The following NBN variants were observed in gnomAD, a reference collection of about 807,000 sequenced individuals.
NBN encodes nibrin, also known as Nijmegen breakage syndrome 1 (nibrin).
A neutral mutation model predicts 90.8 loss-of-function variants in NBN; 88 were observed. That is an observed-to-expected ratio of 0.97 (90% CI 0.82 to 1.16). The LOEUF (loss-of-function observed/expected upper bound fraction) is 1.16, where lower values mean the gene tolerates loss of function less well. Among genes scored for constraint, NBN ranks in the 50% most tolerant of loss-of-function variants. The pLI is 0.00. For synonymous variants in NBN, 328 were observed against 295.1 expected, an observed-to-expected ratio of 1.11 and a Z score of -1.14; for missense variants, 894 against 869.6, an observed-to-expected ratio of 1.03 and a Z score of -0.35.
Position 89,946,150 on chromosome 8 carries a change from T to G in NBN, c.2060A>C (p.Lys687Thr), listed in dbSNP as rs186371605. ...AGTTGAAATACCTACCTTTTTGAAT[T>G]TCTTGAAATTTTTTAGTTGACCATA... ...DDYGQLKNFK[K>T]FKKVTYPGAG... Residue 687 changes from lysine (K) to threonine (T), a missense_variant, in exon 13 of 16, where the codon AAA becomes ACA. Lys to Thr is a moderately conservative substitution (Grantham distance 78, BLOSUM62 -1). Coordinates refer to ENST00000265433, the MANE Select transcript of NBN (RefSeq NM_002485.5). 36 of 1,587,740 alleles carry G rather than the reference T, an allele frequency of 2.3e-5. No homozygotes were observed. The highest frequency in any genetic ancestry group is 1.2e-4 in the South Asian group (11 of 90,424).
chr8:89,936,982 A>G (rs773362652), intron 15 of NBN, 44 bp downstream of exon 15: 3 of 1,457,084 alleles, frequency 2.1e-6, no homozygotes, highest in Non-Finnish European at 2.9e-6. Context: ...TAAATTTTAT[A>G]TACATCTCTC....
At chr8:89,978,367 C>T (rs1811876407) in intron 4 of NBN, 44 bp from the exon 5 acceptor site, 2 of 1,524,726 alleles carry the variant, frequency 1.3e-6, no homozygotes, top group South Asian at 2.3e-5. Context: ...CACATGCTAG[C>T]ATTTTTTAAA....
intron 8 of NBN, among the ~76,000 whole-genome samples, chr8:89,961,443 A>G (rs529481503): frequency 6.6e-6 from 1 of 152,338 alleles, no homozygotes; most frequent in South Asian, 2.1e-4. Flanking sequence ...TCCGGCTGGA[A>G]TGCAAAAAAG....
At chr8:89,952,464 T>G (rs569969981) in intron 11 of NBN, among the ~76,000 whole-genome samples, 6 of 152,178 alleles carry the variant, frequency 3.9e-5, no homozygotes, top group Admixed American at 1.3e-4. Flanking sequence ...AAATAGGACA[T>G]AGGTTCTGTT....
rs1434720352 is a variant in NBN at position 89,982,836 on chromosome 8, C to T, written c.57G>A (p.Leu19=). ...GPAGGEPYRL[L]TGVEYVVGRK... is the part of the protein sequence containing the mutation. ...TTCCAACAACGTACTCAACGCCAGT[C>T]AAAAGTCTGTATGGTTCTCCTGAGA... Residue 19 remains leucine, a synonymous_variant, in exon 2 of 16, where the codon TTG becomes TTA. Coordinates refer to ENST00000265433, the MANE Select transcript of NBN (RefSeq NM_002485.5). The T allele has an allele frequency of 1.2e-6, 2 of 1,613,236 alleles. No homozygotes were observed. The highest frequency in any genetic ancestry group is 3.3e-5 in the Admixed American group (2 of 59,978).
chr8:89,938,466 A>C (rs1242135731), intron 14 of NBN, among the ~76,000 whole-genome samples: 1 of 151,370 alleles, frequency 6.6e-6, no homozygotes, highest in Admixed American at 6.6e-5. Flanking sequence ...CTCTCTCTAT[A>C]TGTGTGTGTG....
At chr8:89,970,216 T>G (rs1293191042) in intron 7 of NBN, 148 bp downstream of exon 7, 6 of 659,566 alleles carry the variant, frequency 9.1e-6, no homozygotes, top group Non-Finnish European at 1.5e-5. Context: ...GCCACTGCAC[T>G]CCAGCCTGGG....
At chr8:89,971,802 C>T (rs888157297) in intron 5 of NBN, among the ~76,000 whole-genome samples, 1 of 151,712 alleles carries the variant, frequency 6.6e-6, no homozygotes, top group Non-Finnish European at 1.5e-5. Flanking sequence ...ATAAAATTTC[C>T]AAAACAAGAC....
intron 8 of NBN, among the ~76,000 whole-genome samples, chr8:89,959,269 A>G (rs535269392): frequency 1.3e-5 from 2 of 152,318 alleles, no homozygotes; most frequent in East Asian, 3.9e-4. Flanking sequence ...ATTTGAAACA[A>G]ATCATGTAAA....
chr8:89,961,643 C>A (rs1183402755), intron 8 of NBN, among the ~76,000 whole-genome samples: 1 of 152,118 alleles, frequency 6.6e-6, no homozygotes, highest in Non-Finnish European at 1.5e-5. Context: ...AAAAATATGG[C>A]ACACATATTC....
intron 8 of NBN, among the ~76,000 whole-genome samples, chr8:89,960,744 G>A (rs191000415): frequency 1.2e-4 from 18 of 152,184 alleles, no homozygotes; most frequent in Admixed American, 5.9e-4. Context: ...TACCATAAGG[G>A]CAGGAACTTG....
Position 89,935,045 on chromosome 8 carries a change from A to C in NBN, c.*537T>G, listed in dbSNP as rs1809601102. On this transcript the variant is annotated 3_prime_UTR_variant, in exon 16 of 16. Transcript: ENST00000265433. ...ATCACCAGAGTTTAGGTAAGACTACAGCATAATGGAAAAGAAAAAATATTA... is the reference window on the plus strand; with the variant it reads ...ATCACCAGAGTTTAGGTAAGACTACCGCATAATGGAAAAGAAAAAATATTA... The C allele has an allele frequency of 4.3e-6, 1 of 233,912 alleles. No homozygotes were observed. Among genetic ancestry groups the C allele is most frequent in the South Asian group, 1.8e-4 (1 of 5,646 alleles). The allele number at this position is 233,912 out of a possible 1,614,324, so 14.5% of individuals were successfully genotyped here.
chr8:89,975,952 A>G (rs1811733012), intron 5 of NBN, among the ~76,000 whole-genome samples: 2 of 152,206 alleles, frequency 1.3e-5, no homozygotes, highest in Admixed American at 1.3e-4. Flanking sequence ...TTCTGTTAAA[A>G]TACTATGCAA....
chr8:89,936,608 C>T (rs1046743493), intron 15 of NBN, among the ~76,000 whole-genome samples: 6 of 152,130 alleles, frequency 3.9e-5, no homozygotes, highest in African/African-American at 1.4e-4. Context: ...CTAAAACCTC[C>T]CACAAAAACC....
Position 89,971,295 on chromosome 8 carries a change from A to C in NBN, c.585-5T>G. On this transcript the variant is annotated splice_region_variant and splice_polypyrimidine_tract_variant and intron_variant, in intron 5 of 15. Coordinates refer to ENST00000265433, the MANE Select transcript of NBN (RefSeq NM_002485.5). ...TCATCAAGAGGTGGGTAAAAACTGT[A>C]AAAATAATTAAAGTATATTCTAATT... 2 of 1,606,130 alleles carry C rather than the reference A, an allele frequency of 1.2e-6. No homozygotes were observed. The highest frequency in any genetic ancestry group is 1.7e-6 in the Non-Finnish European group (2 of 1,174,686).
At chr8:89,963,483 G>C (rs544239409) in intron 8 of NBN, among the ~76,000 whole-genome samples, 2 of 152,264 alleles carry the variant, frequency 1.3e-5, no homozygotes, top group East Asian at 1.9e-4. Flanking sequence ...ATAAAAGTTA[G>C]TAGAGAGAAT....
At chr8:89,978,805 AT>A (rs1230019754) in intron 4 of NBN, among the ~76,000 whole-genome samples, 1 of 152,226 alleles carries the variant, frequency 6.6e-6, no homozygotes, top group Non-Finnish European at 1.5e-5. Flanking sequence ...GAGAAAGTAA[AT>A]AAAATAATTT....
chr8:89,949,602 G>A (rs1810348632), intron 11 of NBN, among the ~76,000 whole-genome samples: 1 of 152,056 alleles, frequency 6.6e-6, no homozygotes. Flanking sequence ...AGTCCTAGGA[G>A]GAATATTAAG....
Position 89,958,760 on chromosome 8 carries a change from G to A in NBN, c.1089C>T (p.Tyr363=), listed in dbSNP as rs121908974. The A allele has an allele frequency of 1.7e-4, 268 of 1,613,950 alleles. No individual in the cohort carries two copies. The highest frequency in any genetic ancestry group is 2.1e-4 in the Non-Finnish European group (253 of 1,179,980). ...CTTGCTCTGATTCTGTGTCAGCTAC[G>A]TATGTTGTAGTGTTCACTGGGGCGC... ...MPSAPVNTTT[Y]VADTESEQAD... is the part of the protein sequence containing the mutation. Residue 363 remains tyrosine, a synonymous_variant, in exon 9 of 16, where the codon TAC becomes TAT. Transcript: ENST00000265433.
Sources: allele counts gnomAD v4.1 joint callset (sites outside exome capture counted in the v4.1 genomes callset), GRCh38; gene constraint gnomAD v4.1.1; transcripts MANE v1.5; gene names NCBI Gene and HGNC (gene_info 2026-07-23, HGNC 2026-07-21).